NUAK2: variants seen among roughly 807,000 people sequenced by gnomAD.
NUAK2 encodes the protein NUAK family SNF1-like kinase 2.
A neutral mutation model predicts 29.8 loss-of-function variants in NUAK2; 20 were observed. The observed-to-expected ratio is 0.67, with a 90% CI of 0.47 to 0.98. NUAK2 has a LOEUF of 0.98. Among genes scored for constraint, NUAK2 ranks in the 50% least tolerant of loss-of-function variants. The pLI is 0.00. For synonymous variants in NUAK2, 331 were observed against 342.6 expected (o/e 0.97, Z 0.37); for missense variants, 719 against 834.5 (o/e 0.86, Z 1.71).
In NUAK2 at chr1:205,305,304, G is replaced by A. The variant is rs770852638; in HGVS notation, c.718C>T (p.Leu240Phe). Residue 240 changes from leucine (L) to phenylalanine (F), a missense_variant, in exon 6 of 7, where the codon CTC becomes TTC. Physicochemically the swap from Leu to Phe is conservative, Grantham distance 22. Around this residue, in one of 3 missense-constraint regions of NUAK2, gnomAD observed 283 missense variants for 345.6 expected, o/e 0.82. Transcript: ENST00000367157. ...EVDSWSLGVL[L>F]YILVHGTMPF... is the part of the protein sequence containing the mutation. ...ATGGTGCCATGCACCAGGATGTAGAGGAGAACACCCAGGGACCAGCTGTCC... is the reference window on the plus strand; with the variant it reads ...ATGGTGCCATGCACCAGGATGTAGAAGAGAACACCCAGGGACCAGCTGTCC... 5.0e-6 allele frequency: 8 copies of A among 1,614,090 alleles called. No individual in the cohort carries two copies. The highest frequency in any genetic ancestry group is 2.2e-5 in the East Asian group (1 of 44,880).
intron 2 of NUAK2, among the ~76,000 whole-genome samples, chr1:205,310,671 T>C (rs1443745946): frequency 1.3e-5 from 2 of 151,834 alleles, no homozygotes; most frequent in East Asian, 1.9e-4. Flanking sequence ...AGAATTCATA[T>C]ACACACACAC....
rs184992543 is a variant in NUAK2, at chr1:205,308,504, A to T, written c.504+77T>A. ...TGTGTGATCCTGGACAAGTCATGGA[A>T]CCTCTCTGGTCCAAAACAGCCCTAG... On this transcript the variant is annotated intron_variant, in intron 3 of 6. Coordinates refer to ENST00000367157, the MANE Select transcript of NUAK2 (RefSeq NM_030952.3). The surrounding 1 kb of genome is among the most constrained non-coding windows in gnomAD (Gnocchi z 4.1). 3 of 1,485,100 alleles carry T rather than the reference A, an allele frequency of 2.0e-6. No homozygotes were observed. Among genetic ancestry groups the T allele is most frequent in the Non-Finnish European group, 2.8e-6 (3 of 1,074,442 alleles). The allele number at this position is 1,485,100 out of a possible 1,614,324, so 92.0% of individuals were successfully genotyped here.
chr1:205,316,047 G>A (rs1662324241), intron 1 of NUAK2, among the ~76,000 whole-genome samples: 1 of 151,956 alleles, frequency 6.6e-6, no homozygotes, highest in African/African-American at 2.4e-5. Flanking sequence ...ACAATATATG[G>A]CCACCCTACT....
At chr1:205,311,949 C>A (rs1378815808) in intron 1 of NUAK2, 124 bp from the exon 2 acceptor site, 11 of 1,232,522 alleles carry the variant, frequency 8.9e-6, no homozygotes, top group Admixed American at 2.0e-5. Flanking sequence ...GAAGCCACTC[C>A]ATCCTTCACC....
intron 1 of NUAK2, among the ~76,000 whole-genome samples, chr1:205,314,747 T>C (rs1033702695): frequency 1.3e-5 from 2 of 152,198 alleles, no homozygotes; most frequent in African/African-American, 2.4e-5. Context: ...ATCCCATATC[T>C]AGATAATCAA....
At chr1:205,314,378 G>C (rs1357459669) in intron 1 of NUAK2, among the ~76,000 whole-genome samples, 1 of 152,200 alleles carries the variant, frequency 6.6e-6, no homozygotes. Context: ...GATGCGATGG[G>C]GCTATCCCCC....
At chr1:205,313,021 T>C (rs549494574) in intron 1 of NUAK2, among the ~76,000 whole-genome samples, 7 of 152,208 alleles carry the variant, frequency 4.6e-5, no homozygotes, top group African/African-American at 1.7e-4. Flanking sequence ...GGCAAATTCA[T>C]AGGGACAGAA....
intron 6 of NUAK2, 78 bp downstream of exon 6, chr1:205,305,121 C>T: frequency 6.5e-7 from 1 of 1,541,864 alleles, no homozygotes; most frequent in Non-Finnish European, 8.8e-7. Flanking sequence ...GACTTTAGTG[C>T]CACTGTGTAG....
At chr1:205,309,968 G>A (rs1662234088) in intron 2 of NUAK2, among the ~76,000 whole-genome samples, 1 of 152,234 alleles carries the variant, frequency 6.6e-6, no homozygotes, top group Non-Finnish European at 1.5e-5. Context: ...GGAGTGGCTG[G>A]TTCACCAAAC....
rs761519348 is a variant in NUAK2, at chr1:205,304,144, C to T, written c.1193G>A (p.Arg398His). 1.8e-5 allele frequency: 29 copies of T among 1,614,064 alleles called. No homozygotes were observed. Among genetic ancestry groups the T allele is most frequent in the South Asian group, 4.4e-5 (4 of 91,092 alleles). The change falls in exon 7 of 7, where the codon CGC becomes CAC. Residue 398 changes from arginine (R) to histidine (H), a missense_variant. Coordinates refer to ENST00000367157, the MANE Select transcript of NUAK2 (RefSeq NM_030952.3). The surrounding 1 kb of genome is among the most constrained non-coding windows in gnomAD (Gnocchi z 6.5). ...CAGCTTGAGGTTGCTCTTGCCAGGGCGATGGGCAGTGTCATCAGCCGTGTC... is the reference window on the plus strand; with the variant it reads ...CAGCTTGAGGTTGCTCTTGCCAGGGTGATGGGCAGTGTCATCAGCCGTGTC... Reference protein sequence around the residue: ...HSDTADDTAHRPGKSNLKLPK... With the variant: ...HSDTADDTAHHPGKSNLKLPK...
At chr1:205,306,060 C>CT in intron 5 of NUAK2, 128 bp downstream of exon 5, 1 of 1,336,026 alleles carries the variant, frequency 7.5e-7, no homozygotes, top group African/African-American at 1.5e-5. Flanking sequence ...CAAGTTACTA[C>CT]TTTTTGGGAG....
Position 205,315,121 on chromosome 1 carries a change from G to A in NUAK2, c.232-3296C>T, listed in dbSNP as rs78080112. 5.2e-3 allele frequency among the ~76,000 whole-genome samples: 785 copies of A among 152,264 alleles called. 7 individuals are homozygous for A. The highest frequency in any genetic ancestry group is 0.018 in the African/African-American group (753 of 41,534). ...ACCAGGTATCCATATTAGGTCCCAGGAGATCACAGTACGGCTGGCACTTTC... is the reference window on the plus strand; with the variant it reads ...ACCAGGTATCCATATTAGGTCCCAGAAGATCACAGTACGGCTGGCACTTTC... On this transcript the variant is annotated intron_variant, in intron 1 of 6. Transcript: ENST00000367157.
intron 1 of NUAK2, among the ~76,000 whole-genome samples, chr1:205,319,119 G>A (rs1310842202): frequency 3.3e-5 from 5 of 152,026 alleles, no homozygotes; most frequent in Admixed American, 1.3e-4. Flanking sequence ...GGGTGGGGTG[G>A]GGAAGAGGCA....
At chr1:205,310,309 A>G (rs538968623) in intron 2 of NUAK2, among the ~76,000 whole-genome samples, 2 of 152,340 alleles carry the variant, frequency 1.3e-5, no homozygotes, top group African/African-American at 4.8e-5. Flanking sequence ...CCTTTGTGCC[A>G]TAAAATCGGG....
At chr1:205,307,406 C>G (rs527327582) in intron 4 of NUAK2, among the ~76,000 whole-genome samples, 2 of 152,254 alleles carry the variant, frequency 1.3e-5, no homozygotes, top group South Asian at 4.2e-4. Context: ...CAAAGAAAGC[C>G]CCACCTGCTC....
chr1:205,311,698 AC>A lies in NUAK2; in HGVS notation c.352+6del. ...CCCCAAGTTCCAGCTTTAAGTGCCC[AC>A]TGTACCTTCATGGATGGCAATGATG... is the stretch of plus-strand genomic sequence containing the variant. On this transcript the variant is annotated splice_donor_region_variant and intron_variant, in intron 2 of 6. Transcript: ENST00000367157. The A allele has an allele frequency of 6.2e-7, 1 of 1,614,070 alleles. No individual in the cohort carries two copies. The highest frequency in any genetic ancestry group is 1.1e-5 in the South Asian group (1 of 91,086).
intron 2 of NUAK2, among the ~76,000 whole-genome samples, chr1:205,311,492 T>C (rs1283244454): frequency 6.6e-6 from 1 of 152,224 alleles, no homozygotes; most frequent in African/African-American, 2.4e-5. Context: ...GATTACCCCA[T>C]TTTATAAATG....
At chr1:205,320,307 C>T (rs1349382459) in intron 1 of NUAK2, among the ~76,000 whole-genome samples, 1 of 152,304 alleles carries the variant, frequency 6.6e-6, no homozygotes, top group Non-Finnish European at 1.5e-5. Flanking sequence ...CTCTGTTGCC[C>T]AGGCTGGAGT....
intron 5 of NUAK2, 92 bp downstream of exon 5, chr1:205,306,096 T>A: frequency 6.8e-7 from 1 of 1,470,556 alleles, no homozygotes; most frequent in Non-Finnish European, 9.1e-7. Flanking sequence ...TCTGAAAATG[T>A]GAATAACGAG....
Sources: allele counts gnomAD v4.1 joint callset (sites outside exome capture counted in the v4.1 genomes callset), GRCh38; gene constraint gnomAD v4.1.1; regional missense constraint gnomAD v4.1.1; non-coding constraint Gnocchi (gnomAD v3.1); transcripts MANE v1.5; gene names NCBI Gene and HGNC (gene_info 2026-07-23, HGNC 2026-07-21).